The following ROBO1 variants were observed in gnomAD, a reference collection of about 807,000 sequenced individuals.
The protein encoded by ROBO1 is roundabout guidance receptor 1.
ROBO1 carries 149 observed loss-of-function variants against 195.9 expected under a neutral mutation model. That is an observed-to-expected ratio of 0.76 (90% CI 0.67 to 0.87). ROBO1 has a LOEUF of 0.87. Among genes scored for constraint, ROBO1 ranks in the 40% least tolerant of loss-of-function variants. The probability of loss-of-function intolerance (pLI) is 0.00; values close to 1 mark genes in which losing one functional copy is unlikely to be tolerated. For synonymous variants in ROBO1, 816 were observed against 733.2 expected, an observed-to-expected ratio of 1.11 and a Z score of -1.82; for missense variants, 1,933 against 2,068.3, an observed-to-expected ratio of 0.93 and a Z score of 1.27.
At position 79,745,745 on chromosome 3, in the gene ROBO1, A is replaced by T. The variant is rs574532928; in HGVS notation, c.-51+22007T>A. Among the ~76,000 whole-genome samples, 8 of 152,270 alleles carry T rather than the reference A, an allele frequency of 5.3e-5. No individual in the cohort carries two copies. In the South Asian group the frequency reaches 8.3e-4, roughly 16 times the overall value. ...AAAATACACTTTAGTATAGTCTATT[A>T]GAGTGTAATTACAATTATAAGGAAA... is the stretch of plus-strand genomic sequence containing the variant. On this transcript the variant is annotated intron_variant, in intron 1 of 30. Transcript: ENST00000464233.
At chr3:79,342,555 G>A (rs578091952) in intron 2 of ROBO1, among the ~76,000 whole-genome samples, 13 of 152,242 alleles carry the variant, frequency 8.5e-5, no homozygotes, top group South Asian at 2.1e-4. Flanking sequence ...CTGGGAATGA[G>A]CATTTTAAAA....
chr3:79,156,403 T>G (rs112429236), intron 2 of ROBO1, among the ~76,000 whole-genome samples: 5,277 of 151,864 alleles, frequency 0.035, 118 homozygotes, highest in Admixed American at 0.047. Flanking sequence ...ATACATTTAT[T>G]CTGGTACCCC....
intron 2 of ROBO1, among the ~76,000 whole-genome samples, chr3:79,433,671 T>A (rs745986178): frequency 1.1e-4 from 17 of 152,168 alleles, no homozygotes; most frequent in Non-Finnish European, 1.8e-4. Flanking sequence ...AAGCTACCAA[T>A]GACTTTCTTC....
chr3:78,839,695 C>T (rs61490942), intron 4 of ROBO1, among the ~76,000 whole-genome samples: 4,895 of 152,166 alleles, frequency 0.032, 204 homozygotes, highest in African/African-American at 0.1. Flanking sequence ...TAAATCTTTA[C>T]AGACTGAAAA....
chr3:79,470,327 A>G (rs1056946179), intron 2 of ROBO1, among the ~76,000 whole-genome samples: 7 of 152,060 alleles, frequency 4.6e-5, no homozygotes, highest in Non-Finnish European at 1.0e-4. Flanking sequence ...ACCAAACACC[A>G]CATGTTCTCA....
intron 1 of ROBO1, among the ~76,000 whole-genome samples, chr3:79,648,679 T>C (rs1380786794): frequency 6.6e-6 from 1 of 152,106 alleles, no homozygotes; most frequent in African/African-American, 2.4e-5. Flanking sequence ...CTGAATTTAT[T>C]TCACTTTTAA....
chr3:79,368,482 A>G (rs1237410760), intron 2 of ROBO1, among the ~76,000 whole-genome samples: 1 of 152,074 alleles, frequency 6.6e-6, no homozygotes, highest in African/African-American at 2.4e-5. Context: ...GACCAGCCCA[A>G]GGGGTGGTGA....
At position 79,589,936 on chromosome 3, in the gene ROBO1, C is replaced by T; in HGVS notation, c.-25G>A. On this transcript the variant is annotated 5_prime_UTR_variant, in exon 2 of 31. Coordinates refer to ENST00000464233, the MANE Select transcript of ROBO1 (RefSeq NM_002941.4). ...TCTTTGTCCCTTCCTTGCATTACAA[C>T]CAGCCAGTGACAGACAATGTGTTAT... The T allele has an allele frequency of 6.5e-7, 1 of 1,535,274 alleles. No individual in the cohort carries two copies. Among genetic ancestry groups the T allele is most frequent in the African/African-American group, 1.4e-5 (1 of 73,086 alleles).
intron 8 of ROBO1, among the ~76,000 whole-genome samples, chr3:78,690,383 T>G: frequency 6.6e-6 from 1 of 151,956 alleles, no homozygotes; most frequent in East Asian, 1.9e-4. Context: ...GTCCTCTAAC[T>G]TATAGGGAAG....
chr3:79,615,065 A>G (rs563915395), intron 1 of ROBO1, among the ~76,000 whole-genome samples: 1 of 152,092 alleles, frequency 6.6e-6, no homozygotes, highest in South Asian at 2.1e-4. Context: ...ATAGGCCATA[A>G]TGGGAACAAG....
At chr3:79,523,386 A>G (rs546846008) in intron 2 of ROBO1, among the ~76,000 whole-genome samples, 3 of 151,990 alleles carry the variant, frequency 2.0e-5, no homozygotes, top group South Asian at 4.2e-4. Context: ...TTATGCGTCA[A>G]TTTTAACAAA....
At chr3:79,640,106 T>A (rs1945612177) in intron 1 of ROBO1, among the ~76,000 whole-genome samples, 1 of 152,186 alleles carries the variant, frequency 6.6e-6, no homozygotes. Context: ...TAATGAAGTC[T>A]ACCAACTTCC....
intron 2 of ROBO1, among the ~76,000 whole-genome samples, chr3:79,206,530 A>C (rs2081871408): frequency 6.6e-6 from 1 of 152,190 alleles, no homozygotes; most frequent in African/African-American, 2.4e-5. Flanking sequence ...CTACATATAG[A>C]GTTCAGTACA....
chr3:79,039,387 T>C (rs957038310), intron 3 of ROBO1, among the ~76,000 whole-genome samples: 14 of 152,196 alleles, frequency 9.2e-5, no homozygotes, highest in African/African-American at 3.4e-4. Flanking sequence ...AATTGAATTG[T>C]CAACTTGAGT....
At chr3:79,202,089 G>T (rs2108780978) in intron 2 of ROBO1, among the ~76,000 whole-genome samples, 1 of 151,960 alleles carries the variant, frequency 6.6e-6, no homozygotes, top group Admixed American at 6.6e-5. Context: ...AGTCTGGGCG[G>T]CAGCCCTCCT....
chr3:79,756,550 CAAA>C (rs147939503), intron 1 of ROBO1, among the ~76,000 whole-genome samples: 75,662 of 105,426 alleles, frequency 0.72, 25,328 homozygotes, highest in Middle Eastern at 0.8. Flanking sequence ...AGCACCATCT[CAAA>C]AAAAAAAAAA....
intron 29 of ROBO1, among the ~76,000 whole-genome samples, chr3:78,601,968 G>A (rs910045554): frequency 2.6e-5 from 4 of 151,432 alleles, no homozygotes; most frequent in African/African-American, 4.9e-5. Flanking sequence ...TCAGCCTAAT[G>A]TATATAATTC....
At chr3:79,652,855 A>G (rs1946051906) in intron 1 of ROBO1, among the ~76,000 whole-genome samples, 1 of 152,024 alleles carries the variant, frequency 6.6e-6, no homozygotes, top group African/African-American at 2.4e-5. Context: ...AGAAATTCTA[A>G]GAGTTTTCTT....
chr3:78,773,458 T>C (rs1180981230), intron 4 of ROBO1, among the ~76,000 whole-genome samples: 2 of 152,134 alleles, frequency 1.3e-5, no homozygotes, highest in Non-Finnish European at 2.9e-5. Flanking sequence ...TTCTACTCAT[T>C]TGTATTTTAA....
Sources: gnomAD v4.1 joint callset for allele counts (sites outside exome capture counted in the v4.1 genomes callset) on GRCh38, gnomAD v4.1.1 for gene constraint, MANE v1.5 for transcripts, NCBI Gene and HGNC (gene_info 2026-07-23, HGNC 2026-07-21) for gene names.